The following ASCC1 variants were observed in gnomAD, a reference collection of about 807,000 sequenced individuals.
The protein encoded by ASCC1 is activating signal cointegrator 1 complex subunit 1, also known as ASC-1 complex subunit P50.
In ASCC1, 35 loss-of-function variants were observed where a neutral mutation model predicts 46.6. The observed-to-expected ratio is 0.75, with a 90% confidence interval of 0.57 to 0.99. The LOEUF is 0.99. Ranked by LOEUF, ASCC1 falls within the 50% of genes least tolerant of loss-of-function variation. The pLI is 0.00. For synonymous variants in ASCC1, 143 were observed against 146.6 expected, an observed-to-expected ratio of 0.98 and a Z score of 0.18; for missense variants, 376 against 428.7, an observed-to-expected ratio of 0.88 and a Z score of 1.09.
At chr10:72,157,959 T>C (rs925088535) in intron 6 of ASCC1, among the ~76,000 whole-genome samples, 7 of 152,246 alleles carry the variant, frequency 4.6e-5, no homozygotes, top group South Asian at 4.1e-4. Flanking sequence ...ACCATCCTTA[T>C]GGTTTCTAAA....
At chr10:72,215,546 G>T (rs1361329430) in intron 1 of ASCC1, among the ~76,000 whole-genome samples, 2 of 152,150 alleles carry the variant, frequency 1.3e-5, no homozygotes, top group African/African-American at 4.8e-5. Context: ...TCACAACCCA[G>T]TGGCCTATTC....
At chr10:72,103,967 G>C (rs1303493110) in intron 9 of ASCC1, among the ~76,000 whole-genome samples, 1 of 151,974 alleles carries the variant, frequency 6.6e-6, no homozygotes, top group African/African-American at 2.4e-5. Context: ...TATTCTGAAG[G>C]CTCCCGTGTC....
At chr10:72,122,352 G>C (rs995129688) in intron 9 of ASCC1, among the ~76,000 whole-genome samples, 2 of 151,498 alleles carry the variant, frequency 1.3e-5, no homozygotes, top group Admixed American at 1.3e-4. Flanking sequence ...CTGCAGGGGC[G>C]GAGGTTGCAG....
At chr10:72,160,460 G>A (rs1430833286) in intron 6 of ASCC1, among the ~76,000 whole-genome samples, 1 of 151,970 alleles carries the variant, frequency 6.6e-6, no homozygotes, top group East Asian at 1.9e-4. Context: ...TATGCCAGAT[G>A]TATGTGTAAA....
chr10:72,175,819 T>C (rs987284461), intron 5 of ASCC1, among the ~76,000 whole-genome samples: 1 of 152,204 alleles, frequency 6.6e-6, no homozygotes, highest in Non-Finnish European at 1.5e-5. Context: ...AAAGCACTAG[T>C]TAGCAAGGCA....
chr10:72,213,241 G>A lies in ASCC1; in HGVS notation c.58C>T (p.Pro20Ser). The change falls in exon 2 of 10, where the codon CCA becomes TCA. Residue 20 changes from proline to serine, a missense_variant. Physicochemically the swap from Pro to Ser is moderately conservative, Grantham distance 74. Coordinates refer to ENST00000672957, the MANE Select transcript of ASCC1 (RefSeq NM_001198800.3). ...TGTTGATAGGTCTGTTCTTGGACTG[G>A]ATTCTTCCTGTAATTCCGGCCATCA... ...RIDGRNYRKN[P>S]VQEQTYQHEE... 6.2e-7 allele frequency: 1 copy of A among 1,613,980 alleles called. No individual in the cohort carries two copies. The highest frequency in any genetic ancestry group is 8.5e-7 in the Non-Finnish European group (1 of 1,179,918).
At chr10:72,182,551 C>T (rs1852774745) in intron 5 of ASCC1, among the ~76,000 whole-genome samples, 1 of 151,782 alleles carries the variant, frequency 6.6e-6, no homozygotes, top group African/African-American at 2.4e-5. Flanking sequence ...CAAAAAAAGG[C>T]TAGATACTAT....
At chr10:72,188,768 A>C (rs1589533561) in intron 5 of ASCC1, among the ~76,000 whole-genome samples, 1 of 151,986 alleles carries the variant, frequency 6.6e-6, no homozygotes, top group South Asian at 2.1e-4. Flanking sequence ...ATGTCATCTC[A>C]TATATTTATT....
chr10:72,199,996 G>A (rs1856267565), intron 4 of ASCC1, among the ~76,000 whole-genome samples: 1 of 152,064 alleles, frequency 6.6e-6, no homozygotes, highest in East Asian at 1.9e-4. Flanking sequence ...GCCTCCCAAA[G>A]TGTTGGGATT....
intron 5 of ASCC1, among the ~76,000 whole-genome samples, chr10:72,183,252 A>C (rs568299975): frequency 6.6e-6 from 1 of 152,288 alleles, no homozygotes; most frequent in South Asian, 2.1e-4. Context: ...CATGTTGGCC[A>C]GCCTTGTCTG....
chr10:72,156,778 A>G (rs1196408795), intron 6 of ASCC1, among the ~76,000 whole-genome samples: 2 of 151,940 alleles, frequency 1.3e-5, no homozygotes, highest in African/African-American at 2.4e-5. Flanking sequence ...TCTCAAAAAA[A>G]AAAAAAAGAA....
At chr10:72,182,549 G>T (rs1022776548) in intron 5 of ASCC1, among the ~76,000 whole-genome samples, 58 of 152,146 alleles carry the variant, frequency 3.8e-4, no homozygotes, top group East Asian at 3.9e-4. Context: ...AACAAAAAAA[G>T]GCTAGATACT....
At chr10:72,136,046 A>G (rs570053732) in intron 7 of ASCC1, among the ~76,000 whole-genome samples, 5 of 152,280 alleles carry the variant, frequency 3.3e-5, no homozygotes, top group Admixed American at 3.3e-4. Context: ...TTTAAGAGAC[A>G]TGATCTCACT....
At chr10:72,214,046 A>G (rs1216723861) in intron 1 of ASCC1, among the ~76,000 whole-genome samples, 1 of 150,142 alleles carries the variant, frequency 6.7e-6, no homozygotes, top group Non-Finnish European at 1.5e-5. Flanking sequence ...TTAAAAAAAG[A>G]AAAAGAAAAA....
At chr10:72,199,097 G>C (rs1856087861) in intron 4 of ASCC1, among the ~76,000 whole-genome samples, 2 of 151,250 alleles carry the variant, frequency 1.3e-5, no homozygotes, top group Non-Finnish European at 2.9e-5. Flanking sequence ...TTACAGGTGT[G>C]AGCCACCACA....
At chr10:72,197,397 G>C (rs1187143279) in intron 4 of ASCC1, among the ~76,000 whole-genome samples, 8 of 145,194 alleles carry the variant, frequency 5.5e-5, no homozygotes, top group Non-Finnish European at 1.2e-4. Flanking sequence ...GAACCCAGGA[G>C]GTGGAGCTTG....
rs3063665 is a variant in ASCC1, at chr10:72,127,664, C to CTTTTTTTTTTTTTTTTTTTTTTTTTTT, written c.957+417_957+418insAAAAAAAAAAAAAAAAAAAAAAAAAAA. On this transcript the variant is annotated intron_variant, in intron 9 of 9. Coordinates refer to ENST00000672957, the MANE Select transcript of ASCC1 (RefSeq NM_001198800.3). ...AAGTGGTTGGAATACCTAAGGGTTT[C>CTTTTTTTTTTTTTTTTTTTTTTTTTTT]TTTTTTTTTTTTTTTCCTAAGTGTT... is the stretch of plus-strand genomic sequence containing the variant. 2.3e-5 allele frequency among the ~76,000 whole-genome samples: 3 copies of CTTTTTTTTTTTTTTTTTTTTTTTTTTT among 130,008 alleles called. 1 individual carries two copies. Among genetic ancestry groups the CTTTTTTTTTTTTTTTTTTTTTTTTTTT allele is most frequent in the Non-Finnish European group, 3.2e-5 (2 of 63,102 alleles). 85.3% of individuals were successfully genotyped at this position (130,008 alleles called of 152,430 possible).
chr10:72,208,935 G>A (rs11000222), intron 3 of ASCC1, among the ~76,000 whole-genome samples: 21,538 of 152,064 alleles, frequency 0.14, 4,344 homozygotes, highest in African/African-American at 0.45. Flanking sequence ...AGGCCAAGGC[G>A]GGTGGACTGC....
intron 6 of ASCC1, among the ~76,000 whole-genome samples, chr10:72,157,733 G>A (rs1189042181): frequency 6.6e-6 from 1 of 152,054 alleles, no homozygotes; most frequent in Non-Finnish European, 1.5e-5. Flanking sequence ...GGTTATGATG[G>A]CAAATTTTAT....
Sources: allele counts gnomAD v4.1 joint callset (sites outside exome capture counted in the v4.1 genomes callset), GRCh38; gene constraint gnomAD v4.1.1; transcripts MANE v1.5; gene names NCBI Gene and HGNC (gene_info 2026-07-23, HGNC 2026-07-21).